The following XKR6 variants were observed in gnomAD, a reference collection of about 807,000 sequenced individuals.
XKR6 encodes the protein XK-related protein 6.
In XKR6, 22 loss-of-function variants were observed where a neutral mutation model predicts 56.7. The observed-to-expected ratio is 0.39, with a 90% confidence interval of 0.28 to 0.55. XKR6 has a LOEUF of 0.55. Ranked by LOEUF, XKR6 falls within the 20% of genes least tolerant of loss-of-function variation. The pLI is 0.66. For synonymous variants in XKR6, 524 were observed against 387.8 expected (o/e 1.35, Z -4.13); for missense variants, 852 against 889.0 (o/e 0.96, Z 0.53).
rs546969973 is a variant in XKR6 at position 10,912,147 on chromosome 8, TAGAG to T, written c.961+12483_961+12486del. On this transcript the variant is annotated intron_variant, in intron 2 of 2. Transcript: ENST00000416569. ...AGAGCGCTAGAGAGAGGTGTATATA[TAGAG>T]AGAGTATATGTATATATATAGAGGG... is the stretch of plus-strand genomic sequence containing the variant. Among the ~76,000 whole-genome samples, 514 of 147,428 alleles carry T rather than the reference TAGAG, an allele frequency of 3.5e-3. 5 individuals are homozygous for T. Among genetic ancestry groups the T allele is most frequent in the African/African-American group, 0.012 (467 of 40,044 alleles).
At chr8:11,042,294 G>C (rs1231178980) in intron 1 of XKR6, among the ~76,000 whole-genome samples, 2 of 150,178 alleles carry the variant, frequency 1.3e-5, no homozygotes, top group African/African-American at 4.9e-5. Context: ...GATATGGTTT[G>C]ACTGTGTCCC....
intron 1 of XKR6, among the ~76,000 whole-genome samples, chr8:11,119,908 C>G (rs1224185523): frequency 6.6e-6 from 1 of 152,142 alleles, no homozygotes; most frequent in African/African-American, 2.4e-5. Flanking sequence ...CGTAATCCAG[C>G]ATATAAACAG....
intron 1 of XKR6, among the ~76,000 whole-genome samples, chr8:10,989,787 G>C (rs1158010412): frequency 3.3e-5 from 5 of 152,208 alleles, no homozygotes; most frequent in African/African-American, 9.7e-5. Context: ...CAAATATTCT[G>C]TCTGGGTCAC....
At chr8:10,924,557 G>T (rs1038313818) in intron 2 of XKR6, 77 bp downstream of exon 2, 3 of 1,516,578 alleles carry the variant, frequency 2.0e-6, no homozygotes, top group South Asian at 2.5e-5. Flanking sequence ...TGCCAGGCAC[G>T]AAGTGTGTGG....
At chr8:11,129,914 G>T (rs1004915980) in intron 1 of XKR6, among the ~76,000 whole-genome samples, 1 of 152,040 alleles carries the variant, frequency 6.6e-6, no homozygotes, top group Non-Finnish European at 1.5e-5. Flanking sequence ...TATATAACAG[G>T]AGATGAGGAA....
At chr8:10,922,988 G>T (rs939717994) in intron 2 of XKR6, among the ~76,000 whole-genome samples, 1 of 152,220 alleles carries the variant, frequency 6.6e-6, no homozygotes, top group African/African-American at 2.4e-5. Context: ...GTCACTCCAA[G>T]AAGCTGGAGC....
At chr8:10,937,786 A>G (rs1159709471) in intron 1 of XKR6, among the ~76,000 whole-genome samples, 1 of 151,252 alleles carries the variant, frequency 6.6e-6, no homozygotes, top group Non-Finnish European at 1.5e-5. Flanking sequence ...GTGCTGGGAG[A>G]ACCACTGCTC....
At chr8:11,061,629 C>G (rs903533143) in intron 1 of XKR6, among the ~76,000 whole-genome samples, 13 of 152,150 alleles carry the variant, frequency 8.5e-5, no homozygotes, top group African/African-American at 3.1e-4. Context: ...ATTCAACATG[C>G]CCTGAAAGAC....
chr8:11,135,911 A>G (rs901341970), intron 1 of XKR6, among the ~76,000 whole-genome samples: 8 of 152,174 alleles, frequency 5.3e-5, no homozygotes, highest in African/African-American at 1.9e-4. Flanking sequence ...AAATGCAAAA[A>G]CCACTTAAAA....
chr8:11,196,580 A>C (rs1170730311), intron 1 of XKR6, among the ~76,000 whole-genome samples: 1 of 152,222 alleles, frequency 6.6e-6, no homozygotes, highest in African/African-American at 2.4e-5. Context: ...GCCAAACTTA[A>C]TGGTACCCGA....
intron 1 of XKR6, among the ~76,000 whole-genome samples, chr8:11,118,767 A>G (rs1300830643): frequency 6.6e-6 from 1 of 152,102 alleles, no homozygotes; most frequent in Non-Finnish European, 1.5e-5. Flanking sequence ...CAGCTCCTGG[A>G]TTCACTGATT....
intron 1 of XKR6, among the ~76,000 whole-genome samples, chr8:11,142,920 A>G (rs976117760): frequency 6.6e-6 from 1 of 152,218 alleles, no homozygotes; most frequent in Admixed American, 6.5e-5. Context: ...TTTAAAAAAG[A>G]AAAGAAATGA....
chr8:11,033,024 T>A (rs1563357463), intron 1 of XKR6, among the ~76,000 whole-genome samples: 1 of 152,036 alleles, frequency 6.6e-6, no homozygotes, highest in Non-Finnish European at 1.5e-5. Flanking sequence ...ATGGTAAGGA[T>A]GATGATGGTA....
chr8:11,069,401 T>G (rs1434745891), intron 1 of XKR6, among the ~76,000 whole-genome samples: 1 of 151,794 alleles, frequency 6.6e-6, no homozygotes, highest in Non-Finnish European at 1.5e-5. Flanking sequence ...ACCCACAGTA[T>G]CTCTCCCGCA....
chr8:11,103,841 C>G (rs965046203), intron 1 of XKR6, among the ~76,000 whole-genome samples: 1 of 152,190 alleles, frequency 6.6e-6, no homozygotes, highest in African/African-American at 2.4e-5. Context: ...GATTTAGCAT[C>G]TTTTCTCTGC....
intron 1 of XKR6, among the ~76,000 whole-genome samples, chr8:10,926,607 C>A (rs796468308): frequency 4.6e-5 from 7 of 152,360 alleles, no homozygotes; most frequent in Admixed American, 1.3e-4. Context: ...GGGCACCAGG[C>A]CCCCCAGGCC....
At chr8:11,162,282 A>C (rs1801851086) in intron 1 of XKR6, among the ~76,000 whole-genome samples, 1 of 152,172 alleles carries the variant, frequency 6.6e-6, no homozygotes, top group Non-Finnish European at 1.5e-5. Context: ...TGATCTGCTC[A>C]CCACAGAGTA....
intron 1 of XKR6, among the ~76,000 whole-genome samples, chr8:11,159,958 A>G (rs565996450): frequency 2.0e-5 from 3 of 152,316 alleles, no homozygotes; most frequent in African/African-American, 4.8e-5. Flanking sequence ...TGGGTCCTTG[A>G]TGGAATCAAG....
At chr8:11,071,757 C>T (rs1004783677) in intron 1 of XKR6, among the ~76,000 whole-genome samples, 7 of 152,118 alleles carry the variant, frequency 4.6e-5, no homozygotes, top group African/African-American at 9.7e-5. Flanking sequence ...CAAATGAATA[C>T]GAGGCCCAAG....
Sources: allele counts gnomAD v4.1 joint callset (sites outside exome capture counted in the v4.1 genomes callset), GRCh38; gene constraint gnomAD v4.1.1; transcripts MANE v1.5; gene names NCBI Gene and HGNC (gene_info 2026-07-23, HGNC 2026-07-21).